Variants in BBS5 observed in about 807,000 individuals in gnomAD.
The protein encoded by BBS5 is Bardet-Biedl syndrome 5.
A neutral mutation model predicts 50.2 loss-of-function variants in BBS5; 39 were observed. The ratio of observed to expected loss-of-function variants is 0.78; its 90% confidence interval spans 0.60 to 1.01. The LOEUF is 1.01. Ranked by LOEUF, BBS5 falls within the 50% of genes least tolerant of loss-of-function variation. BBS5 has a pLI of 0.00. For synonymous variants in BBS5, 134 were observed against 133.1 expected, an observed-to-expected ratio of 1.01 and a Z score of -0.05; for missense variants, 356 against 401.5, an observed-to-expected ratio of 0.89 and a Z score of 0.97.
intron 2 of BBS5, among the ~76,000 whole-genome samples, chr2:169,485,576 A>G (rs923416205): frequency 6.6e-6 from 1 of 152,220 alleles, no homozygotes; most frequent in Non-Finnish European, 1.5e-5. Flanking sequence ...CATTGCTAAT[A>G]GATCTAAGTC....
At chr2:169,496,802 G>C (rs991913304) in intron 7 of BBS5, among the ~76,000 whole-genome samples, 2 of 152,018 alleles carry the variant, frequency 1.3e-5, no homozygotes, top group Admixed American at 1.3e-4. Context: ...CTGGGAGGCA[G>C]AGCTTGCAGT....
chr2:169,499,243 A>G, intron 8 of BBS5: 1 of 462,018 alleles, frequency 2.2e-6, no homozygotes, highest in South Asian at 2.4e-5. Flanking sequence ...GAGGTTACAG[A>G]TGAAACAGGG....
chr2:169,498,269 C>T (rs1683730473), intron 8 of BBS5, among the ~76,000 whole-genome samples: 1 of 152,070 alleles, frequency 6.6e-6, no homozygotes, highest in Non-Finnish European at 1.5e-5. Flanking sequence ...ATAAAACATG[C>T]TGGTCTCATG....
chr2:169,493,905 G>C, intron 7 of BBS5, 69 bp downstream of exon 7: 1 of 1,051,566 alleles, frequency 9.5e-7, no homozygotes, highest in South Asian at 1.4e-5. Context: ...TAGTTAATTG[G>C]ACTTTTAGAT....
rs1223761066 is a variant in BBS5, at chr2:169,506,219, A to T, written c.*1637A>T. ...CGCCCGGCCAGCCGCCCCGTCCGGGAGGTTAGGGGCGCCTCTGCCCGGCCG... is the reference window on the plus strand; with the variant it reads ...CGCCCGGCCAGCCGCCCCGTCCGGGTGGTTAGGGGCGCCTCTGCCCGGCCG... On this transcript the variant is annotated 3_prime_UTR_variant, in exon 12 of 12. Transcript: ENST00000295240. 1 of 155,284 alleles carries T rather than the reference A, an allele frequency of 6.4e-6. No individual in the cohort carries two copies. The highest frequency in any genetic ancestry group is 1.4e-5 in the Non-Finnish European group (1 of 72,258). The allele number at this position is 155,284 out of a possible 1,614,324, so 9.6% of individuals were successfully genotyped here.
Position 169,504,995 on chromosome 2 carries a change from C to T in BBS5, c.*413C>T. On this transcript the variant is annotated 3_prime_UTR_variant, in exon 12 of 12. Coordinates refer to ENST00000295240, the MANE Select transcript of BBS5 (RefSeq NM_152384.3). ...CAAGGGAGCTGATAAAGAACTTCTT[C>T]CCAAAATGGCCGAAGCTGGACTGTA... 6.2e-7 allele frequency: 1 copy of T among 1,610,788 alleles called. No individual in the cohort carries two copies. Among genetic ancestry groups the T allele is most frequent in the Admixed American group, 1.7e-5 (1 of 60,024 alleles).
intron 9 of BBS5, among the ~76,000 whole-genome samples, chr2:169,500,083 C>A (rs114452964): frequency 6.6e-6 from 1 of 152,228 alleles, no homozygotes; most frequent in African/African-American, 2.4e-5. Flanking sequence ...TCTGCCATAT[C>A]AGTTATGAAG....
rs149076945 is a variant in BBS5 at position 169,501,602 on chromosome 2, G to T, written c.817-1493G>T. ...ATTTTTTTTAAATTTTAAAAACCAG[G>T]TGTGGTGGTGCCGGCCTGTAGTCTT... On this transcript the variant is annotated intron_variant, in intron 9 of 11. Coordinates refer to ENST00000295240, the MANE Select transcript of BBS5 (RefSeq NM_152384.3). Among the ~76,000 whole-genome samples, 1,052 of 152,130 alleles carry T rather than the reference G, an allele frequency of 6.9e-3. 7 individuals carry two copies. The highest frequency in any genetic ancestry group is 0.011 in the Non-Finnish European group (752 of 67,992).
chr2:169,484,782 A>G (rs938367544), intron 2 of BBS5, among the ~76,000 whole-genome samples: 4 of 152,228 alleles, frequency 2.6e-5, no homozygotes, highest in African/African-American at 9.6e-5. Context: ...AAAGTAAGTC[A>G]TAGAAATGAG....
intron 9 of BBS5, among the ~76,000 whole-genome samples, chr2:169,500,019 T>A (rs1683769886): frequency 6.6e-6 from 1 of 152,182 alleles, no homozygotes. Flanking sequence ...ATATAGCAAC[T>A]CCAGGAGTAG....
intron 9 of BBS5, among the ~76,000 whole-genome samples, 158 bp from the exon 10 acceptor site, chr2:169,502,937 T>C (rs1040307700): frequency 2.0e-5 from 3 of 152,228 alleles, no homozygotes; most frequent in Non-Finnish European, 4.4e-5. Flanking sequence ...TTTAATTGAT[T>C]AGTTTTATTA....
rs763310295 is a variant in BBS5, at chr2:169,505,127, G to T, written c.*545G>T. On this transcript the variant is annotated 3_prime_UTR_variant, in exon 12 of 12. Coordinates refer to ENST00000295240, the MANE Select transcript of BBS5 (RefSeq NM_152384.3). The stretch of plus-strand genomic sequence containing the variant: ...GCGCCGCCACACCTGACTGGTTTTC[G>T]TATTTTTTTGGTGGAGACGGGGTTT... The T allele has an allele frequency of 5.0e-6, 4 of 803,624 alleles. No individual in the cohort carries two copies. The highest frequency in any genetic ancestry group is 1.5e-5 in the South Asian group (1 of 65,198). The allele number at this position is 803,624 out of a possible 1,614,324, so 49.8% of individuals were successfully genotyped here.
chr2:169,505,099 C>G lies in BBS5; in HGVS notation c.*517C>G. On this transcript the variant is annotated 3_prime_UTR_variant, in exon 12 of 12. Transcript: ENST00000295240. ...CCTGCCGAGTGCCTGCGATTACAGG[C>G]GCGCGCCGCCACACCTGACTGGTTT... The G allele has an allele frequency of 9.8e-7, 1 of 1,017,180 alleles. No homozygotes were observed. Among genetic ancestry groups the G allele is most frequent in the Non-Finnish European group, 1.5e-6 (1 of 663,856 alleles). The allele number at this position is 1,017,180 out of a possible 1,614,324, so 63.0% of individuals were successfully genotyped here.
In BBS5 at chr2:169,499,554, C is replaced by CA. The variant is rs753592567; in HGVS notation, c.752dup (p.Asn251LysfsTer16). 1 of 1,613,020 alleles carries CA rather than the reference C, an allele frequency of 6.2e-7. No individual in the cohort carries two copies. The highest frequency in any genetic ancestry group is 8.5e-7 in the Non-Finnish European group (1 of 1,179,160). On this transcript the variant is annotated frameshift_variant, in exon 9 of 12. Transcript: ENST00000295240. LOFTEE classifies it high-confidence loss of function. ...AACTACAAGAATCAGTTAAGGAAAT[C>CA]AATTCACTTCACAAAGTCTATTCTG...
At chr2:169,494,935 G>T (rs963762017) in intron 7 of BBS5, among the ~76,000 whole-genome samples, 2 of 152,104 alleles carry the variant, frequency 1.3e-5, no homozygotes, top group Non-Finnish European at 2.9e-5. Context: ...CCCATGAGAA[G>T]AATAATTCTT....
chr2:169,483,687 G>A (rs1302531087), intron 2 of BBS5, among the ~76,000 whole-genome samples: 1 of 152,080 alleles, frequency 6.6e-6, no homozygotes, highest in Non-Finnish European at 1.5e-5. Flanking sequence ...GCTTAGAAAG[G>A]GGCCTGCTGC....
At position 169,479,630 on chromosome 2, in the gene BBS5, C is replaced by T. The variant is rs1399722379; in HGVS notation, c.59+18C>T. ...TCCGCGCAGTGAGTTTCCAAGATTC[C>T]CGAGGGATCTTCAACCCTGTAGAGG... On this transcript the variant is annotated intron_variant, in intron 1 of 11. Transcript: ENST00000295240. 1 of 1,613,924 alleles carries T rather than the reference C, an allele frequency of 6.2e-7. No homozygotes were observed. The highest frequency in any genetic ancestry group is 1.3e-5 in the African/African-American group (1 of 74,950).
In BBS5 at chr2:169,502,201, C is replaced by T. The variant is rs190997801; in HGVS notation, c.817-894C>T. 2.1e-4 allele frequency among the ~76,000 whole-genome samples: 32 copies of T among 152,276 alleles called. No individual in the cohort carries two copies. In the Middle Eastern group the frequency reaches 0.01, roughly 49 times the overall value. On this transcript the variant is annotated intron_variant, in intron 9 of 11. Transcript: ENST00000295240. Reference sequence around the variant, plus strand: ...GTGAATATTCATAGTTGTTGGATGACTGTGTTAAACATCTGCTGTTTGTCA... The same window carrying T: ...GTGAATATTCATAGTTGTTGGATGATTGTGTTAAACATCTGCTGTTTGTCA...
In BBS5 at chr2:169,505,826, T is replaced by TGG. The variant is rs541406715; in HGVS notation, c.*1250_*1251dup. On this transcript the variant is annotated 3_prime_UTR_variant, in exon 12 of 12. Transcript: ENST00000295240. ...GCAGCCACCCAGTCCGGGAGGGAGG[T>TGG]GGGGGGGTCAGTCCCCCGTCCGGCC... The TGG allele has an allele frequency of 1.2e-4, 18 of 155,766 alleles. No individual in the cohort carries two copies. The highest frequency in any genetic ancestry group is 4.0e-4 in the East Asian group (2 of 4,998). The allele number at this position is 155,766 out of a possible 1,614,324, so 9.6% of individuals were successfully genotyped here. A position where few individuals can be genotyped will look rare whatever the true frequency, so the allele number is the denominator to read the frequency against.
Sources: gnomAD v4.1 joint callset for allele counts (sites outside exome capture counted in the v4.1 genomes callset) on GRCh38, gnomAD v4.1.1 for gene constraint, MANE v1.5 for transcripts, NCBI Gene and HGNC (gene_info 2026-07-23, HGNC 2026-07-21) for gene names.